AKAP6: variants seen among roughly 807,000 people sequenced by gnomAD.
AKAP6 encodes A-kinase anchor protein 6.
A neutral mutation model predicts 188.5 loss-of-function variants in AKAP6; 58 were observed. The observed-to-expected ratio is 0.31, with a 90% CI of 0.25 to 0.38. The LOEUF is 0.38. Ranked by LOEUF, AKAP6 falls within the 10% of genes least tolerant of loss-of-function variation. The pLI is 1.00. For synonymous variants in AKAP6, 989 were observed against 998.6 expected, an observed-to-expected ratio of 0.99 and a Z score of 0.18; for missense variants, 2,710 against 2,740.0, an observed-to-expected ratio of 0.99 and a Z score of 0.24.
intron 5 of AKAP6, among the ~76,000 whole-genome samples, chr14:32,581,387 A>G (rs540439450): frequency 2.3e-4 from 35 of 152,180 alleles, no homozygotes; most frequent in African/African-American, 8.4e-4. Context: ...GTTCTTTTAC[A>G]TTTGCTGAGG....
chr14:32,570,162 G>A (rs543377665), intron 4 of AKAP6, among the ~76,000 whole-genome samples: 2 of 112,300 alleles, frequency 1.8e-5, no homozygotes, highest in South Asian at 6.2e-4. Context: ...GACAGAGTCT[G>A]TCTCTGTCAC....
chr14:32,791,668 T>C (rs981335706), intron 12 of AKAP6, among the ~76,000 whole-genome samples: 1 of 152,204 alleles, frequency 6.6e-6, no homozygotes, highest in African/African-American at 2.4e-5. Flanking sequence ...CAATTGCTTT[T>C]GGTGTTTTAG....
intron 2 of AKAP6, among the ~76,000 whole-genome samples, chr14:32,507,475 G>C (rs1880937975): frequency 6.6e-6 from 1 of 152,010 alleles, no homozygotes; most frequent in African/African-American, 2.4e-5. Flanking sequence ...TGGCTGGGTA[G>C]TTGTGCTTAT....
rs11848335 is a variant in AKAP6 at position 32,600,847 on chromosome 14, A to C, written c.2730+55A>C. The stretch of plus-strand genomic sequence containing the variant: ...TCTTATTTCTGTCTTCTTTTGAACT[A>C]GGCACCACTGAAGTTTTCTTTCCAA... On this transcript the variant is annotated intron_variant, in intron 7 of 13. Transcript: ENST00000280979. The C allele has an allele frequency of 3.3e-3, 5,052 of 1,510,398 alleles. 133 individuals are homozygous for C. The African/African-American group carries it at 0.059, about 18-fold the overall frequency. 93.6% of individuals were successfully genotyped at this position (1,510,398 alleles called of 1,614,324 possible). A position where few individuals can be genotyped will look rare whatever the true frequency, so the allele number is the denominator to read the frequency against.
intron 7 of AKAP6, among the ~76,000 whole-genome samples, chr14:32,608,067 A>T (rs1030401965): frequency 1.3e-5 from 2 of 152,246 alleles, no homozygotes; most frequent in Non-Finnish European, 2.9e-5. Flanking sequence ...TTAAATTTGC[A>T]TATTATAAGA....
At chr14:32,736,768 T>G (rs1251139082) in intron 11 of AKAP6, among the ~76,000 whole-genome samples, 1 of 147,246 alleles carries the variant, frequency 6.8e-6, no homozygotes, top group Non-Finnish European at 1.5e-5. Flanking sequence ...CCACCTTGCC[T>G]GCAATCATCC....
intron 4 of AKAP6, among the ~76,000 whole-genome samples, chr14:32,554,474 C>G (rs1260988433): frequency 6.6e-6 from 1 of 152,194 alleles, no homozygotes; most frequent in Non-Finnish European, 1.5e-5. Context: ...ATGCAAATGA[C>G]TTGCTCAGGG....
intron 1 of AKAP6, among the ~76,000 whole-genome samples, chr14:32,383,919 T>C (rs1888447315): frequency 6.6e-6 from 1 of 152,182 alleles, no homozygotes; most frequent in South Asian, 2.1e-4. Context: ...TGAGCATCTT[T>C]GACCATATCT....
intron 7 of AKAP6, among the ~76,000 whole-genome samples, chr14:32,643,981 C>T (rs1450239830): frequency 6.6e-6 from 1 of 152,174 alleles, no homozygotes; most frequent in Non-Finnish European, 1.5e-5. Context: ...GATATATTCA[C>T]CTGACACACT....
chr14:32,390,554 G>C (rs1348477594), intron 1 of AKAP6, among the ~76,000 whole-genome samples: 1 of 152,128 alleles, frequency 6.6e-6, no homozygotes, highest in Non-Finnish European at 1.5e-5. Flanking sequence ...CCTTGATGTA[G>C]TACTCTCCCC....
chr14:32,657,819 G>A (rs182723590), intron 7 of AKAP6, among the ~76,000 whole-genome samples: 1 of 142,322 alleles, frequency 7.0e-6, no homozygotes, highest in East Asian at 2.5e-4. Flanking sequence ...TAATGATGAT[G>A]CTGTTTTCAT....
chr14:32,621,844 A>G (rs1886827399), intron 7 of AKAP6, among the ~76,000 whole-genome samples: 1 of 152,090 alleles, frequency 6.6e-6, no homozygotes, highest in African/African-American at 2.4e-5. Context: ...TTGTTAGCTC[A>G]CTGATATCCT....
intron 2 of AKAP6, among the ~76,000 whole-genome samples, chr14:32,520,022 A>G (rs922142323): frequency 6.6e-6 from 1 of 152,256 alleles, no homozygotes; most frequent in African/African-American, 2.4e-5. Context: ...CAATCAAATT[A>G]GAGCTCAGGA....
At chr14:32,531,267 C>T (rs1882402139) in intron 2 of AKAP6, among the ~76,000 whole-genome samples, 7 of 152,182 alleles carry the variant, frequency 4.6e-5, no homozygotes, top group Admixed American at 4.6e-4. Flanking sequence ...TTTGTGTTAA[C>T]TCACTTTGAG....
intron 8 of AKAP6, among the ~76,000 whole-genome samples, chr14:32,682,995 C>CTTTTTTTTTTTTTTTTTTTT (rs71115090): frequency 3.7e-4 from 52 of 142,254 alleles, no homozygotes; most frequent in East Asian, 2.7e-3. Context: ...TTTTTTCTTC[C>CTTTTTTTTTTTTTTTTTTTT]TTTTTTTTTT....
intron 12 of AKAP6, among the ~76,000 whole-genome samples, chr14:32,795,522 G>C (rs1223094836): frequency 6.6e-6 from 1 of 151,940 alleles, no homozygotes; most frequent in Non-Finnish European, 1.5e-5. Context: ...CACATAAACA[G>C]AACTAAAGAC....
rs1293069894 is a variant in AKAP6 at position 32,546,075 on chromosome 14, C to A, written c.1422C>A (p.His474Gln). The change falls in exon 4 of 14, where the codon CAC (histidine) becomes CAA (glutamine). Residue 474 changes from histidine (H) to glutamine (Q), a missense_variant. This residue lies in a region of AKAP6 where 2,473 missense variants were observed against 2,426.1 expected (regional missense o/e 1.02). Coordinates refer to ENST00000280979, the MANE Select transcript of AKAP6 (RefSeq NM_004274.5). ...NGNLENTVKF[H>Q]IKEISSSLGR... ...ACCTTGAAAACACAGTCAAATTTCA[C>A]ATTAAAGAAATTTCTTCCAGCCTGG... The A allele has an allele frequency of 1.2e-6, 2 of 1,614,014 alleles. No homozygotes were observed. The highest frequency in any genetic ancestry group is 1.7e-6 in the Non-Finnish European group (2 of 1,180,020).
chr14:32,332,353 T>C (rs1159751788), intron 1 of AKAP6, among the ~76,000 whole-genome samples: 1 of 152,058 alleles, frequency 6.6e-6, no homozygotes. Flanking sequence ...AGATTTCATA[T>C]GTAGAATGAA....
chr14:32,462,916 A>AC (rs1555330713), intron 2 of AKAP6, among the ~76,000 whole-genome samples: 6 of 93,778 alleles, frequency 6.4e-5, no homozygotes, highest in African/African-American at 1.4e-4. Context: ...AAAAAAAAAA[A>AC]AAAAAAAAAA....
Sources: allele counts gnomAD v4.1 joint callset (sites outside exome capture counted in the v4.1 genomes callset), GRCh38; gene constraint gnomAD v4.1.1; regional missense constraint gnomAD v4.1.1; transcripts MANE v1.5; gene names NCBI Gene and HGNC (gene_info 2026-07-23, HGNC 2026-07-21).